The following SLCO6A1 variants were observed in gnomAD, a reference collection of about 807,000 sequenced individuals.
SLCO6A1 encodes the protein cancer/testis antigen 48.
In SLCO6A1, 65 loss-of-function variants were observed where a neutral mutation model predicts 72.7. The ratio of observed to expected loss-of-function variants is 0.89; its 90% confidence interval spans 0.73 to 1.10. SLCO6A1 has a LOEUF of 1.10. SLCO6A1 is among the 50% of genes least tolerant of loss of function. The pLI, the probability that SLCO6A1 is intolerant of heterozygous loss-of-function variation, is 0.00. For synonymous variants in SLCO6A1, 314 were observed against 298.2 expected (o/e 1.05, Z -0.55); for missense variants, 874 against 872.6 (o/e 1.00, Z -0.02).
At chr5:102,393,850 T>C (rs909483175) in intron 10 of SLCO6A1, among the ~76,000 whole-genome samples, 1 of 152,170 alleles carries the variant, frequency 6.6e-6, no homozygotes, top group East Asian at 1.9e-4. Context: ...ATGAGCCTCT[T>C]GATGGAAAGA....
chr5:102,481,281 A>C (rs1222582111), intron 1 of SLCO6A1, among the ~76,000 whole-genome samples: 1 of 152,014 alleles, frequency 6.6e-6, no homozygotes, highest in African/African-American at 2.4e-5. Context: ...TATGACAGGG[A>C]GCTCACCTGC....
chr5:102,443,154 A>G (rs1376906), intron 6 of SLCO6A1, among the ~76,000 whole-genome samples: 98,725 of 151,892 alleles, frequency 0.65, 32,300 homozygotes, highest in African/African-American at 0.67. Flanking sequence ...CTGAGATGGC[A>G]CCACTGCACT....
At chr5:102,466,444 A>G (rs1232932498) in intron 4 of SLCO6A1, among the ~76,000 whole-genome samples, 4 of 152,052 alleles carry the variant, frequency 2.6e-5, no homozygotes, top group Non-Finnish European at 4.4e-5. Flanking sequence ...CATTTAGATC[A>G]ATTCCATGTC....
chr5:102,395,286 C>T (rs1041588958), intron 10 of SLCO6A1, among the ~76,000 whole-genome samples: 25 of 151,714 alleles, frequency 1.6e-4, no homozygotes, highest in Non-Finnish European at 2.4e-4. Flanking sequence ...TGAGAACATG[C>T]GGTGTTTGGT....
chr5:102,480,510 T>G (rs1752141869), intron 1 of SLCO6A1, 76 bp from the exon 2 acceptor site: 2 of 1,327,816 alleles, frequency 1.5e-6, no homozygotes, highest in African/African-American at 3.0e-5. Flanking sequence ...AAAGCAAAAT[T>G]TAAATTACAT....
chr5:102,376,636 T>C (rs889712638), intron 12 of SLCO6A1, among the ~76,000 whole-genome samples: 10 of 152,072 alleles, frequency 6.6e-5, no homozygotes, highest in African/African-American at 2.2e-4. Context: ...ACAAATACAA[T>C]GATACAATCT....
At chr5:102,456,481 A>T (rs1292714543) in intron 6 of SLCO6A1, among the ~76,000 whole-genome samples, 2 of 152,216 alleles carry the variant, frequency 1.3e-5, no homozygotes, top group African/African-American at 4.8e-5. Context: ...CAGCCAAACC[A>T]TGAATGAACT....
intron 9 of SLCO6A1, among the ~76,000 whole-genome samples, chr5:102,406,860 A>T (rs1193358478): frequency 6.6e-6 from 1 of 152,220 alleles, no homozygotes; most frequent in Non-Finnish European, 1.5e-5. Flanking sequence ...TGGAAGATAG[A>T]TGAACAGAAA....
intron 1 of SLCO6A1, among the ~76,000 whole-genome samples, chr5:102,497,290 A>T (rs1343423891): frequency 6.6e-6 from 1 of 152,228 alleles, no homozygotes; most frequent in Non-Finnish European, 1.5e-5. Flanking sequence ...ATAGATGAGG[A>T]AAAAAGATCC....
chr5:102,403,149 T>A (rs1484192231), intron 9 of SLCO6A1, among the ~76,000 whole-genome samples: 1 of 152,180 alleles, frequency 6.6e-6, no homozygotes, highest in Admixed American at 6.5e-5. Context: ...TGATATACAA[T>A]GATTATGTAC....
At chr5:102,487,948 T>A (rs932961960) in intron 1 of SLCO6A1, among the ~76,000 whole-genome samples, 1 of 152,192 alleles carries the variant, frequency 6.6e-6, no homozygotes, top group African/African-American at 2.4e-5. Context: ...AAGCACAAAG[T>A]TAGGACCAAC....
chr5:102,375,973 A>C (rs77872811), intron 12 of SLCO6A1, among the ~76,000 whole-genome samples: 2 of 152,170 alleles, frequency 1.3e-5, no homozygotes, highest in Non-Finnish European at 2.9e-5. Flanking sequence ...AATGATACAC[A>C]GAAAACCATA....
intron 1 of SLCO6A1, among the ~76,000 whole-genome samples, chr5:102,480,697 T>C (rs113265685): frequency 0.023 from 3,572 of 152,272 alleles, 141 homozygotes; most frequent in African/African-American, 0.082. Flanking sequence ...TGCTGTGTCA[T>C]CTCACTTAGT....
intron 9 of SLCO6A1, among the ~76,000 whole-genome samples, chr5:102,408,626 A>G (rs1027895841): frequency 1.3e-5 from 2 of 152,136 alleles, no homozygotes; most frequent in South Asian, 2.1e-4. Flanking sequence ...CTGCCAATCT[A>G]AAGTTCCATA....
chr5:102,401,121 T>C (rs1409752262), intron 9 of SLCO6A1, among the ~76,000 whole-genome samples: 2 of 152,014 alleles, frequency 1.3e-5, no homozygotes, highest in African/African-American at 4.8e-5. Context: ...GAAGTGATAT[T>C]TGAGCTGAGA....
At chr5:102,463,375 A>G (rs1751143513) in intron 4 of SLCO6A1, among the ~76,000 whole-genome samples, 1 of 152,226 alleles carries the variant, frequency 6.6e-6, no homozygotes, top group African/African-American at 2.4e-5. Context: ...TTTCTTAAAG[A>G]ACTAAAAGTA....
chr5:102,385,581 ACTCTG>A (rs1468905049), intron 12 of SLCO6A1, among the ~76,000 whole-genome samples: 13 of 151,460 alleles, frequency 8.6e-5, no homozygotes, highest in Admixed American at 8.5e-4. Flanking sequence ...TGTTTGATCT[ACTCTG>A]CAGTTGAAGT....
chr5:102,388,505 T>G (rs1008849373), intron 12 of SLCO6A1, among the ~76,000 whole-genome samples, 183 bp downstream of exon 12: 3 of 152,062 alleles, frequency 2.0e-5, no homozygotes, highest in Non-Finnish European at 4.4e-5. Flanking sequence ...ACTCGGCTAT[T>G]TTTTTATTTT....
chr5:102,462,816 T>C (rs1751109664), intron 4 of SLCO6A1, among the ~76,000 whole-genome samples: 1 of 152,180 alleles, frequency 6.6e-6, no homozygotes, highest in Admixed American at 6.5e-5. Context: ...CCTGACATCA[T>C]AAAACTTCTA....
Sources: allele counts gnomAD v4.1 joint callset (sites outside exome capture counted in the v4.1 genomes callset), GRCh38; gene constraint gnomAD v4.1.1; transcripts MANE v1.5; gene names NCBI Gene and HGNC (gene_info 2026-07-23, HGNC 2026-07-21).